The following RUNX2 variants were observed in gnomAD, a reference collection of about 807,000 sequenced individuals.
RUNX2 encodes runt-related transcription factor 2.
RUNX2 carries 10 observed loss-of-function variants against 51.7 expected under a neutral mutation model. The ratio of observed to expected loss-of-function variants is 0.19; its 90% confidence interval spans 0.12 to 0.33. The LOEUF is 0.33. RUNX2 is among the 10% of genes least tolerant of loss of function. The pLI, the probability that RUNX2 is intolerant of heterozygous loss-of-function variation, is 1.00. For missense variants in RUNX2, 562 were observed against 691.3 expected (o/e 0.81, Z 2.10); for synonymous variants, 276 against 273.6 (o/e 1.01, Z -0.09).
At chr6:45,407,854 A>G (rs1797870213) in intron 2 of RUNX2, among the ~76,000 whole-genome samples, 1 of 152,092 alleles carries the variant, frequency 6.6e-6, no homozygotes, top group South Asian at 2.1e-4. Context: ...TCAATTAGTC[A>G]TGCTTCACTA....
At chr6:45,461,574 T>C (rs1343582789) in intron 5 of RUNX2, among the ~76,000 whole-genome samples, 1 of 152,164 alleles carries the variant, frequency 6.6e-6, no homozygotes, top group Non-Finnish European at 1.5e-5. Context: ...GGGGAAACAC[T>C]CATGAAATGA....
At chr6:45,412,722 TG>T (rs1440449324) in intron 2 of RUNX2, among the ~76,000 whole-genome samples, 1 of 152,060 alleles carries the variant, frequency 6.6e-6, no homozygotes, top group Non-Finnish European at 1.5e-5. Context: ...GTGGCACTGG[TG>T]GGAACTGCCC....
At chr6:45,480,920 G>T (rs914233625) in intron 5 of RUNX2, among the ~76,000 whole-genome samples, 1 of 152,208 alleles carries the variant, frequency 6.6e-6, no homozygotes, top group Admixed American at 6.5e-5. Context: ...GGCTGTGGGA[G>T]TTGGCTGACT....
At chr6:45,546,507 G>A (rs1802404176) in intron 8 of RUNX2, among the ~76,000 whole-genome samples, 1 of 152,192 alleles carries the variant, frequency 6.6e-6, no homozygotes, top group Admixed American at 6.5e-5. Flanking sequence ...AATCCATGAG[G>A]ATTTGGTTTT....
At chr6:45,333,683 A>C (rs1031608766) in intron 2 of RUNX2, among the ~76,000 whole-genome samples, 42 of 151,534 alleles carry the variant, frequency 2.8e-4, no homozygotes, top group African/African-American at 9.2e-4. Flanking sequence ...TATAAAAAAC[A>C]ATCCCCAAAT....
intron 2 of RUNX2, among the ~76,000 whole-genome samples, chr6:45,414,139 T>C (rs547655163): frequency 8.5e-5 from 13 of 152,318 alleles, no homozygotes; most frequent in African/African-American, 3.1e-4. Flanking sequence ...AGAGAAACTT[T>C]CATTCAACTC....
At chr6:45,515,787 A>G (rs1801300938) in intron 7 of RUNX2, among the ~76,000 whole-genome samples, 1 of 152,222 alleles carries the variant, frequency 6.6e-6, no homozygotes, top group Non-Finnish European at 1.5e-5. Flanking sequence ...TCAATAAAGC[A>G]TTAAGAGAAA....
rs1274860949 is a variant in RUNX2 at position 45,549,337 on chromosome 6, C to A, written c.*2032C>A. 3 of 398,586 alleles carry A rather than the reference C, an allele frequency of 7.5e-6. No individual in the cohort carries two copies. Among genetic ancestry groups the A allele is most frequent in the Non-Finnish European group, 1.3e-5 (3 of 226,054 alleles). 24.7% of individuals were successfully genotyped at this position (398,586 alleles called of 1,614,324 possible). The stretch of plus-strand genomic sequence containing the variant: ...CTCAAACCCACCTTTGTAGGCCACC[C>A]AGCATTGCAGGACAGCGTGTGGGGC... On this transcript the variant is annotated 3_prime_UTR_variant, in exon 9 of 9. Transcript: ENST00000647337.
chr6:45,545,130 T>A lies in RUNX2; in HGVS notation c.1022-87T>A. Reference sequence around the variant, plus strand: ...TCTCTGTCTACCCCTCCCCTAAGGCTGTTGCTTCTCCTTCTCTCTTGGAAT... The same window carrying A: ...TCTCTGTCTACCCCTCCCCTAAGGCAGTTGCTTCTCCTTCTCTCTTGGAAT... On this transcript the variant is annotated intron_variant, in intron 7 of 8. Transcript: ENST00000647337. The A allele has an allele frequency of 2.7e-6, 3 of 1,098,694 alleles. No homozygotes were observed. The South Asian group carries it at 4.0e-5, about 15-fold the overall frequency. The allele number at this position is 1,098,694 out of a possible 1,614,324, so 68.1% of individuals were successfully genotyped here.
At chr6:45,421,351 G>A (rs1798181869) in intron 2 of RUNX2, 1 of 152,216 alleles carries the variant, frequency 6.6e-6, no homozygotes, top group Non-Finnish European at 1.5e-5. Context: ...GAAATGTCCA[G>A]CTATGCACTT....
chr6:45,338,337 GC>G (rs1484948417), intron 2 of RUNX2, among the ~76,000 whole-genome samples: 1 of 136,154 alleles, frequency 7.3e-6, no homozygotes, highest in Non-Finnish European at 1.7e-5. Context: ...TCCAGATGTA[GC>G]TCTCATAAAA....
intron 2 of RUNX2, among the ~76,000 whole-genome samples, chr6:45,414,292 G>T (rs1430333454): frequency 6.6e-6 from 1 of 152,050 alleles, no homozygotes; most frequent in Non-Finnish European, 1.5e-5. Flanking sequence ...TCTTTGGCTT[G>T]GCTGCTTGTA....
chr6:45,445,846 A>G (rs371979493), intron 5 of RUNX2, among the ~76,000 whole-genome samples: 3 of 152,114 alleles, frequency 2.0e-5, no homozygotes, highest in Non-Finnish European at 4.4e-5. Context: ...ATGGGTCAGA[A>G]GCGCTGGTGG....
chr6:45,407,832 T>G (rs1314930024), intron 2 of RUNX2, among the ~76,000 whole-genome samples: 1 of 152,128 alleles, frequency 6.6e-6, no homozygotes, highest in Non-Finnish European at 1.5e-5. Flanking sequence ...ATTTTTTTTT[T>G]GCTTTAGAGT....
At chr6:45,377,080 G>C (rs148155833) in intron 2 of RUNX2, among the ~76,000 whole-genome samples, 1 of 147,068 alleles carries the variant, frequency 6.8e-6, no homozygotes, top group Non-Finnish European at 1.5e-5. Flanking sequence ...CAAGTGTCCT[G>C]ATTCTCTGAG....
chr6:45,530,200 C>A (rs180853032), intron 7 of RUNX2, among the ~76,000 whole-genome samples: 185 of 152,288 alleles, frequency 1.2e-3, no homozygotes, highest in African/African-American at 4.4e-3. Context: ...AAAGTGAACC[C>A]CTCCCAGGGG....
Position 45,512,374 on chromosome 6 carries a change from C to T in RUNX2, c.988C>T (p.Pro330Ser), listed in dbSNP as rs1382629082. The T allele has an allele frequency of 1.2e-6, 2 of 1,613,992 alleles. No homozygotes were observed. The highest frequency in any genetic ancestry group is 2.2e-5 in the East Asian group (1 of 44,876). ...PLSSTRGTGL[P>S]AITDVPRRIS... ...GTCTTCCACACGGGGCACTGGGCTT[C>T]CTGCCATCACCGATGTGCCTAGGCG... is the stretch of plus-strand genomic sequence containing the variant. Residue 330 changes from proline to serine, a missense_variant, in exon 7 of 9, where the codon CCT becomes TCT. Pro to Ser is a moderately conservative substitution (Grantham distance 74). This residue lies in a region of RUNX2 where 304 missense variants were observed against 353.2 expected (regional missense o/e 0.86). Coordinates refer to ENST00000647337, the MANE Select transcript of RUNX2 (RefSeq NM_001024630.4).
intron 5 of RUNX2, among the ~76,000 whole-genome samples, chr6:45,460,766 A>G (rs948406056): frequency 7.8e-6 from 1 of 128,994 alleles, no homozygotes; most frequent in African/African-American, 3.1e-5. Context: ...CAAGACCCCA[A>G]CTCTTAAAAA....
At chr6:45,530,211 T>C (rs947853371) in intron 7 of RUNX2, among the ~76,000 whole-genome samples, 2 of 152,128 alleles carry the variant, frequency 1.3e-5, no homozygotes, top group African/African-American at 2.4e-5. Context: ...CTCCCAGGGG[T>C]CTTCCTACCA....
Sources: gnomAD v4.1 joint callset for allele counts (sites outside exome capture counted in the v4.1 genomes callset) on GRCh38, gnomAD v4.1.1 for gene constraint, gnomAD v4.1.1 regional missense constraint, MANE v1.5 for transcripts, NCBI Gene and HGNC (gene_info 2026-07-23, HGNC 2026-07-21) for gene names.